Variants in ERC2 observed in about 807,000 individuals in gnomAD.
The protein encoded by ERC2 is ELKS/RAB6-interacting/CAST family member 2.
In ERC2, 42 loss-of-function variants were observed where a neutral mutation model predicts 114.8. The ratio of observed to expected loss-of-function variants is 0.37; its 90% CI spans 0.29 to 0.47. ERC2 has a LOEUF of 0.47. Among genes scored for constraint, ERC2 ranks in the 20% least tolerant of loss-of-function variants. ERC2 has a pLI of 0.99. For missense variants in ERC2, 939 were observed against 1,150.7 expected, an observed-to-expected ratio of 0.82 and a Z score of 2.66; for synonymous variants, 454 against 425.5, an observed-to-expected ratio of 1.07 and a Z score of -0.82.
At chr3:56,368,841 T>G (rs1410948162) in intron 2 of ERC2, among the ~76,000 whole-genome samples, 3 of 152,150 alleles carry the variant, frequency 2.0e-5, no homozygotes, top group Non-Finnish European at 4.4e-5. Context: ...AAAAACCTGT[T>G]TTTGAATCTT....
At chr3:56,303,418 G>A (rs1279689124) in intron 2 of ERC2, among the ~76,000 whole-genome samples, 1 of 152,198 alleles carries the variant, frequency 6.6e-6, no homozygotes, top group Non-Finnish European at 1.5e-5. Flanking sequence ...ATAGCTTGGT[G>A]TGTCCAATTT....
chr3:55,757,612 G>A (rs1284306840), intron 14 of ERC2, among the ~76,000 whole-genome samples: 1 of 152,080 alleles, frequency 6.6e-6, no homozygotes, highest in Non-Finnish European at 1.5e-5. Flanking sequence ...CAGGATTGCT[G>A]TGAGAAATCA....
intron 12 of ERC2, among the ~76,000 whole-genome samples, chr3:55,983,994 T>C (rs1038679941): frequency 2.6e-5 from 4 of 152,236 alleles, no homozygotes; most frequent in African/African-American, 9.6e-5. Flanking sequence ...AGACTTTTTG[T>C]TTCCAAGAGG....
intron 4 of ERC2, among the ~76,000 whole-genome samples, chr3:56,151,990 G>A (rs1209743916): frequency 6.6e-6 from 1 of 152,116 alleles, no homozygotes; most frequent in African/African-American, 2.4e-5. Flanking sequence ...AACAATATAT[G>A]TAGTGATTTT....
At chr3:55,614,538 G>A (rs1172641089) in intron 17 of ERC2, among the ~76,000 whole-genome samples, 1 of 151,802 alleles carries the variant, frequency 6.6e-6, no homozygotes, top group Non-Finnish European at 1.5e-5. Flanking sequence ...TATTTTTTCT[G>A]ATAAAATTAA....
intron 14 of ERC2, among the ~76,000 whole-genome samples, chr3:55,807,515 T>C (rs2059537525): frequency 6.6e-6 from 1 of 152,174 alleles, no homozygotes; most frequent in South Asian, 2.1e-4. Context: ...ATGAACACTG[T>C]TGCAATTACT....
intron 14 of ERC2, among the ~76,000 whole-genome samples, chr3:55,756,001 G>T (rs9849285): frequency 1.3e-5 from 2 of 151,810 alleles, no homozygotes; most frequent in South Asian, 2.1e-4. Context: ...ATCTAAACTC[G>T]GGGCCAGACA....
rs199600168 is a variant in ERC2 at position 55,663,680 on chromosome 3, C to A, written c.*39+20114G>T. On this transcript the variant is annotated intron_variant, in intron 17 of 17. Coordinates refer to ENST00000288221, the MANE Select transcript of ERC2 (RefSeq NM_015576.3). ...GGCAAAATGCCTTCTTCAAGGCCCTCAACATTAAACTTTGCATTGTTTTTA... is the reference window on the plus strand; with the variant it reads ...GGCAAAATGCCTTCTTCAAGGCCCTAAACATTAAACTTTGCATTGTTTTTA... 1.2e-4 allele frequency among the ~76,000 whole-genome samples: 18 copies of A among 152,280 alleles called. No individual in the cohort carries two copies. The East Asian group carries it at 3.3e-3, about 28-fold the overall frequency.
intron 15 of ERC2, among the ~76,000 whole-genome samples, chr3:55,727,775 C>T (rs1347696041): frequency 6.6e-6 from 1 of 152,112 alleles, no homozygotes; most frequent in Non-Finnish European, 1.5e-5. Context: ...TGACATTTTA[C>T]TCAAAAAGAG....
At chr3:55,783,916 A>G (rs982044459) in intron 14 of ERC2, among the ~76,000 whole-genome samples, 1 of 152,194 alleles carries the variant, frequency 6.6e-6, no homozygotes, top group African/African-American at 2.4e-5. Context: ...ACATCTCTCT[A>G]TCTTTCACCC....
chr3:55,623,063 C>T (rs2059385781), intron 17 of ERC2, among the ~76,000 whole-genome samples: 1 of 152,186 alleles, frequency 6.6e-6, no homozygotes, highest in African/African-American at 2.4e-5. Context: ...AATTCATGTT[C>T]TCTGATTTGT....
At chr3:55,741,134 T>C (rs116120022) in intron 14 of ERC2, among the ~76,000 whole-genome samples, 2,740 of 152,302 alleles carry the variant, frequency 0.018, 36 homozygotes, top group Middle Eastern at 0.031. Flanking sequence ...AGGATGGGTA[T>C]ACTGAATATA....
intron 6 of ERC2, among the ~76,000 whole-genome samples, chr3:56,097,698 A>G (rs1038970595): frequency 2.0e-5 from 3 of 152,218 alleles, no homozygotes; most frequent in African/African-American, 7.2e-5. Context: ...GGTGGAACTC[A>G]CTGATCCATT....
chr3:56,033,746 C>A lies in ERC2; in HGVS notation c.1642-14715G>T, dbSNP rs151182310. On this transcript the variant is annotated intron_variant, in intron 7 of 17. Transcript: ENST00000288221. ...TCATGTAAGAGAATTTCTCTCATTA[C>A]AAGATTTGAATCATGTAATCATCCC... is the stretch of plus-strand genomic sequence containing the variant. 6.5e-3 allele frequency among the ~76,000 whole-genome samples: 983 copies of A among 152,236 alleles called. 8 individuals carry two copies. The highest frequency in any genetic ancestry group is 0.022 in the African/African-American group (912 of 41,542).
At chr3:55,901,617 T>C (rs1022722825) in intron 13 of ERC2, among the ~76,000 whole-genome samples, 2 of 152,188 alleles carry the variant, frequency 1.3e-5, no homozygotes, top group East Asian at 1.9e-4. Context: ...CCCAGTCCCA[T>C]TTAAGGGCTC....
At chr3:55,924,112 G>A (rs2065609534) in intron 13 of ERC2, among the ~76,000 whole-genome samples, 1 of 152,044 alleles carries the variant, frequency 6.6e-6, no homozygotes, top group African/African-American at 2.4e-5. Context: ...ACATACCATA[G>A]AAAAGCACCT....
At chr3:56,064,741 A>G (rs983871510) in intron 7 of ERC2, among the ~76,000 whole-genome samples, 2 of 152,194 alleles carry the variant, frequency 1.3e-5, no homozygotes, top group Admixed American at 6.5e-5. Flanking sequence ...AGGTTGCTAT[A>G]TGATAGAGTT....
chr3:55,600,759 C>T (rs951513791), intron 17 of ERC2, among the ~76,000 whole-genome samples: 1 of 152,210 alleles, frequency 6.6e-6, no homozygotes, highest in Non-Finnish European at 1.5e-5. Context: ...AGCTTCAGTG[C>T]AGGCCTTTGG....
intron 7 of ERC2, among the ~76,000 whole-genome samples, chr3:56,057,062 C>T (rs937079620): frequency 6.6e-6 from 1 of 152,112 alleles, no homozygotes; most frequent in Non-Finnish European, 1.5e-5. Context: ...CTCCCATTTC[C>T]CCAATAAGAT....
Sources: gnomAD v4.1 joint callset for allele counts (sites outside exome capture counted in the v4.1 genomes callset) on GRCh38, gnomAD v4.1.1 for gene constraint, MANE v1.5 for transcripts, NCBI Gene and HGNC (gene_info 2026-07-23, HGNC 2026-07-21) for gene names.